Variants in DNAH9 observed in about 807,000 individuals in gnomAD.
The protein encoded by DNAH9 is DNAH9 variant protein.
A neutral mutation model predicts 471.6 loss-of-function variants in DNAH9; 345 were observed. The observed-to-expected ratio is 0.73, with a 90% CI of 0.67 to 0.80. The LOEUF (loss-of-function observed/expected upper bound fraction) is 0.80. Among genes scored for constraint, DNAH9 ranks in the 30% least tolerant of loss-of-function variants. DNAH9 has a pLI of 0.00. For synonymous variants in DNAH9, 2,093 were observed against 2,123.6 expected, an observed-to-expected ratio of 0.99 and a Z score of 0.40; for missense variants, 5,407 against 5,609.2, an observed-to-expected ratio of 0.96 and a Z score of 1.15.
chr17:11,817,280 A>G (rs9892829), intron 45 of DNAH9, among the ~76,000 whole-genome samples: 85,230 of 151,942 alleles, frequency 0.56, 24,160 homozygotes, highest in Non-Finnish European at 0.59. Flanking sequence ...TTCCCTATTC[A>G]GAGGTGTTTA....
At chr17:11,693,417 C>A (rs978950740) in intron 20 of DNAH9, among the ~76,000 whole-genome samples, 1 of 150,236 alleles carries the variant, frequency 6.7e-6, no homozygotes, top group Admixed American at 6.7e-5. Context: ...CCAAGCCCAG[C>A]CCAGCTAATT....
chr17:11,908,513 G>A (rs554668550), intron 61 of DNAH9, among the ~76,000 whole-genome samples: 8 of 152,268 alleles, frequency 5.3e-5, no homozygotes, highest in African/African-American at 1.7e-4. Flanking sequence ...CAAGCTTTAC[G>A]GAGGTAATTC....
chr17:11,803,413 C>A (rs947294111), intron 43 of DNAH9, among the ~76,000 whole-genome samples: 1 of 152,178 alleles, frequency 6.6e-6, no homozygotes, highest in Admixed American at 6.5e-5. Flanking sequence ...CTCGCACACA[C>A]GCACATGCGT....
chr17:11,638,571 G>C (rs2150682545), intron 9 of DNAH9, among the ~76,000 whole-genome samples: 1 of 152,226 alleles, frequency 6.6e-6, no homozygotes, highest in Middle Eastern at 3.4e-3. Context: ...ATTTTTAGTA[G>C]AGTCAGGGTT....
chr17:11,961,766 C>CT, intron 67 of DNAH9, 101 bp from the exon 68 acceptor site: 3 of 1,375,742 alleles, frequency 2.2e-6, no homozygotes, highest in Non-Finnish European at 3.0e-6. Context: ...ATGGATAACT[C>CT]TTGTCTGCCT....
chr17:11,822,123 C>G, intron 46 of DNAH9, 61 bp downstream of exon 46: 1 of 1,553,606 alleles, frequency 6.4e-7, no homozygotes, highest in Admixed American at 1.9e-5. Context: ...GGAGCTTCCA[C>G]TGATATTTCG....
intron 28 of DNAH9, among the ~76,000 whole-genome samples, chr17:11,733,644 G>T (rs998548036): frequency 2.6e-5 from 4 of 152,068 alleles, no homozygotes; most frequent in African/African-American, 9.7e-5. Flanking sequence ...GAGGTCAGGA[G>T]ATTGACCTGG....
In DNAH9 at chr17:11,623,252, G is replaced by GT. The variant is rs1234621574; in HGVS notation, c.1350+3472dup. Among the ~76,000 whole-genome samples the GT allele has an allele frequency of 1.3e-5, 2 of 152,108 alleles. No individual in the cohort carries two copies. Among genetic ancestry groups the GT allele is most frequent in the Non-Finnish European group, 1.5e-5 (1 of 68,020 alleles). On this transcript the variant is annotated intron_variant, in intron 6 of 68. Coordinates refer to ENST00000262442, the MANE Select transcript of DNAH9 (RefSeq NM_001372.4). The surrounding 1 kb of genome is among the most constrained non-coding windows in gnomAD (Gnocchi z 4.1). ...GCCTCCCAAAGTGCTGGGATTACAG[G>GT]TGTGAGCCACCGTGCCCGGCCAGCA...
At chr17:11,830,141 T>C (rs113964848) in intron 48 of DNAH9, among the ~76,000 whole-genome samples, 4 of 152,286 alleles carry the variant, frequency 2.6e-5, no homozygotes, top group African/African-American at 9.6e-5. Flanking sequence ...GATCTTTAGG[T>C]GGCATCTTCT....
chr17:11,840,174 C>T lies in DNAH9; in HGVS notation c.9507+5276C>T, dbSNP rs1278906176. 3.3e-5 allele frequency among the ~76,000 whole-genome samples: 5 copies of T among 152,146 alleles called. No homozygotes were observed. In the East Asian group the frequency reaches 5.8e-4, roughly 18 times the overall value. On this transcript the variant is annotated intron_variant, in intron 49 of 68. Transcript: ENST00000262442. Reference sequence around the variant, plus strand: ...ATATGGAGAAAACATAAATGTCCATCGACATTATACAAGAAAGACATCCTG... The same window carrying T: ...ATATGGAGAAAACATAAATGTCCATTGACATTATACAAGAAAGACATCCTG...
intron 42 of DNAH9, among the ~76,000 whole-genome samples, chr17:11,796,982 T>G (rs1969267097): frequency 6.6e-6 from 1 of 152,182 alleles, no homozygotes; most frequent in African/African-American, 2.4e-5. Context: ...TGGGTGAGAT[T>G]TGACACACAG....
At chr17:11,935,937 A>G (rs1244110755) in intron 65 of DNAH9, among the ~76,000 whole-genome samples, 1 of 152,186 alleles carries the variant, frequency 6.6e-6, no homozygotes, top group Non-Finnish European at 1.5e-5. Context: ...CCAAAGGCAA[A>G]AAGGCTTTTC....
At chr17:11,738,233 G>C (rs1389618658) in intron 28 of DNAH9, among the ~76,000 whole-genome samples, 1 of 152,186 alleles carries the variant, frequency 6.6e-6, no homozygotes, top group Non-Finnish European at 1.5e-5. Context: ...GAAGTGGTCA[G>C]AACTGTGTCC....
chr17:11,609,206 A>G (rs2072574222), intron 2 of DNAH9, among the ~76,000 whole-genome samples: 1 of 152,178 alleles, frequency 6.6e-6, no homozygotes, highest in Non-Finnish European at 1.5e-5. Context: ...AACAGATTAT[A>G]TGCGTGCAAT....
intron 61 of DNAH9, among the ~76,000 whole-genome samples, chr17:11,918,572 GC>G (rs1974031784): frequency 6.6e-6 from 1 of 152,106 alleles, no homozygotes; most frequent in South Asian, 2.1e-4. Context: ...ATAAGCTGAG[GC>G]AAGTACAGTC....
chr17:11,606,338 A>T (rs1435306616), intron 1 of DNAH9, among the ~76,000 whole-genome samples: 1 of 151,626 alleles, frequency 6.6e-6, no homozygotes, highest in Non-Finnish European at 1.5e-5. Flanking sequence ...ATCACATTAT[A>T]TGAGCATCTG....
intron 26 of DNAH9, among the ~76,000 whole-genome samples, chr17:11,710,391 A>G (rs962970834): frequency 2.0e-5 from 3 of 152,182 alleles, no homozygotes; most frequent in African/African-American, 7.2e-5. Flanking sequence ...ATAGATTCCA[A>G]GAAGCAGAAT....
At position 11,784,297 on chromosome 17, in the gene DNAH9, C is replaced by T; in HGVS notation, c.7822-3C>T. On this transcript the variant is annotated splice_region_variant and splice_polypyrimidine_tract_variant and intron_variant, in intron 40 of 68. Coordinates refer to ENST00000262442, the MANE Select transcript of DNAH9 (RefSeq NM_001372.4). ...TGAGCTCATGCCTTTGTTTCCTGTA[C>T]AGCGTCACTTCAGCGTGTTTGTCCT... The T allele has an allele frequency of 2.5e-6, 4 of 1,614,122 alleles. No individual in the cohort carries two copies. Among genetic ancestry groups the T allele is most frequent in the Non-Finnish European group, 3.4e-6 (4 of 1,179,976 alleles).
At position 11,704,243 on chromosome 17, in the gene DNAH9, T is replaced by C. The variant is rs2074657010; in HGVS notation, c.5192T>C (p.Val1731Ala). The C allele has an allele frequency of 1.2e-6, 2 of 1,614,124 alleles. No homozygotes were observed. Among genetic ancestry groups the C allele is most frequent in the Non-Finnish European group, 1.7e-6 (2 of 1,180,000 alleles). Residue 1731 changes from valine (V) to alanine (A), a missense_variant, in exon 25 of 69, where the codon GTG becomes GCG. Physicochemically the swap from Val to Ala is moderately conservative, Grantham distance 64. Coordinates refer to ENST00000262442, the MANE Select transcript of DNAH9 (RefSeq NM_001372.4). Reference sequence around the variant, plus strand: ...ACTCAGATCTGGTGGACAACAGAAGTGGGCATGGCATTTGCCAGGCTGGAG... The same window carrying C: ...ACTCAGATCTGGTGGACAACAGAAGCGGGCATGGCATTTGCCAGGCTGGAG... ...TCTQIWWTTE[V>A]GMAFARLEEG...
Sources: allele counts gnomAD v4.1 joint callset (sites outside exome capture counted in the v4.1 genomes callset), GRCh38; gene constraint gnomAD v4.1.1; non-coding constraint Gnocchi (gnomAD v3.1); transcripts MANE v1.5; gene names NCBI Gene and HGNC (gene_info 2026-07-23, HGNC 2026-07-21).